Variants in PCDHGA4 observed in about 807,000 individuals in gnomAD.
PCDHGA4 encodes the protein protocadherin gamma subfamily A, 4.
In PCDHGA4, 38 loss-of-function variants were observed where a neutral mutation model predicts 54.6. The ratio of observed to expected loss-of-function variants is 0.70; its 90% CI spans 0.54 to 0.91. PCDHGA4 has a LOEUF of 0.91. Ranked by LOEUF, PCDHGA4 falls within the 40% of genes least tolerant of loss-of-function variation. The pLI, the probability that PCDHGA4 is intolerant of heterozygous loss-of-function variation, is 0.00. For synonymous variants in PCDHGA4, 511 were observed against 512.9 expected (o/e 1.00, Z 0.05); for missense variants, 1,298 against 1,220.9 (o/e 1.06, Z -0.94).
intron 1 of PCDHGA4, among the ~76,000 whole-genome samples, chr5:141,382,030 T>C (rs953371042): frequency 6.6e-6 from 1 of 151,856 alleles, no homozygotes; most frequent in African/African-American, 2.4e-5. Context: ...GGTTTCTCCA[T>C]GTTGGTCAGG....
intron 1 of PCDHGA4, chr5:141,364,724 C>T (rs772314048): frequency 9.3e-6 from 15 of 1,613,892 alleles, no homozygotes; most frequent in South Asian, 7.7e-5. Flanking sequence ...TAACTTCCCG[C>T]GTTTCCGGGA....
At chr5:141,475,983 C>T in intron 1 of PCDHGA4, 2 of 1,049,240 alleles carry the variant, frequency 1.9e-6, no homozygotes, top group Non-Finnish European at 2.8e-6. Context: ...GAACAGCCGG[C>T]GAGCAAATCA....
chr5:141,395,542 TTGTGTGTG>T (rs55729045), intron 1 of PCDHGA4: 8,424 of 171,616 alleles, frequency 0.049, 167 homozygotes, highest in African/African-American at 0.088. Context: ...TTGCTATTGT[TTGTGTGTG>T]TGTGTGTGTG....
intron 1 of PCDHGA4, among the ~76,000 whole-genome samples, chr5:141,480,115 G>A (rs1164458958): frequency 6.6e-6 from 1 of 152,110 alleles, no homozygotes; most frequent in African/African-American, 2.4e-5. Flanking sequence ...CATGGTGCCT[G>A]GCATATCATA....
chr5:141,492,787 G>A (rs1308203463), intron 1 of PCDHGA4, among the ~76,000 whole-genome samples: 2 of 152,254 alleles, frequency 1.3e-5, no homozygotes, highest in Admixed American at 6.5e-5. Context: ...AGCCTCTATA[G>A]GACAGCAGGA....
At chr5:141,440,551 T>C (rs1220901075) in intron 1 of PCDHGA4, 2 of 152,350 alleles carry the variant, frequency 1.3e-5, no homozygotes, top group East Asian at 1.9e-4. Context: ...GCAGGAATGT[T>C]ATTAAGTTAC....
At chr5:141,380,834 G>T (rs559775684) in intron 1 of PCDHGA4, among the ~76,000 whole-genome samples, 2 of 152,154 alleles carry the variant, frequency 1.3e-5, no homozygotes, top group Admixed American at 1.3e-4. Flanking sequence ...TGAGGCATCA[G>T]GTAAAAATGG....
chr5:141,413,812 C>G (rs761118146), intron 1 of PCDHGA4: 3 of 1,613,144 alleles, frequency 1.9e-6, no homozygotes, highest in Non-Finnish European at 1.7e-6. Context: ...GGCCATTCAC[C>G]ACCTGGTCCT....
chr5:141,432,722 T>G lies in PCDHGA4; in HGVS notation c.2515-62085T>G, dbSNP rs2097531915. 6.2e-7 allele frequency: 1 copy of G among 1,613,646 alleles called. No homozygotes were observed. Among genetic ancestry groups the G allele is most frequent in the African/African-American group, 1.3e-5 (1 of 74,900 alleles). ...CCAGGACCACGGCCAGCCCCCTCTC[T>G]CCGCCACTGTCACGCTCACCGTGGC... On this transcript the variant is annotated intron_variant, in intron 1 of 3. Coordinates refer to ENST00000571252, the MANE Select transcript of PCDHGA4 (RefSeq NM_018917.4). The surrounding 1 kb of genome is among the most constrained non-coding windows in gnomAD (Gnocchi z 6.0).
chr5:141,366,307 G>C lies in PCDHGA4; in HGVS notation c.2514+8686G>C, dbSNP rs539472764. On this transcript the variant is annotated intron_variant, in intron 1 of 3. Transcript: ENST00000571252. Reference sequence around the variant, plus strand: ...AGCCCCCTCTGTCAGCCACCTTCACGGTCACCGTTGCCGTGGCCGACAGGA... The same window carrying C: ...AGCCCCCTCTGTCAGCCACCTTCACCGTCACCGTTGCCGTGGCCGACAGGA... The C allele has an allele frequency of 7.4e-6, 12 of 1,613,630 alleles. No individual in the cohort carries two copies. In the East Asian group the frequency reaches 2.2e-4, roughly 30 times the overall value.
At chr5:141,467,514 T>C (rs2154569535) in intron 1 of PCDHGA4, among the ~76,000 whole-genome samples, 1 of 152,362 alleles carries the variant, frequency 6.6e-6, no homozygotes, top group South Asian at 2.1e-4. Flanking sequence ...TTGGAGTTTA[T>C]TCTTTTGTGT....
chr5:141,387,735 T>C lies in PCDHGA4; in HGVS notation c.2514+30114T>C, dbSNP rs966437790. The C allele has an allele frequency of 1.2e-5, 16 of 1,308,452 alleles. No individual in the cohort carries two copies. In the East Asian group the frequency reaches 1.3e-4, roughly 10 times the overall value. 81.1% of individuals were successfully genotyped at this position (1,308,452 alleles called of 1,614,324 possible). ...GCTCAGACTCCCCAGCGCCAGCCTTTACACCGCTTCCTCCTCGGAAAAAGA... is the reference window on the plus strand; with the variant it reads ...GCTCAGACTCCCCAGCGCCAGCCTTCACACCGCTTCCTCCTCGGAAAAAGA... On this transcript the variant is annotated intron_variant, in intron 1 of 3. Transcript: ENST00000571252.
At chr5:141,500,012 A>G (rs2099795840) in intron 2 of PCDHGA4, among the ~76,000 whole-genome samples, 1 of 151,622 alleles carries the variant, frequency 6.6e-6, no homozygotes, top group Non-Finnish European at 1.5e-5. Flanking sequence ...TAAGGTCCAC[A>G]TTTTATATTT....
At chr5:141,510,844 C>A in intron 3 of PCDHGA4, 103 bp from the exon 4 acceptor site, 1 of 1,592,684 alleles carries the variant, frequency 6.3e-7, no homozygotes, top group South Asian at 1.1e-5. Context: ...GTGGTCAAGG[C>A]CCAGGGTGCT....
intron 3 of PCDHGA4, among the ~76,000 whole-genome samples, chr5:141,506,943 T>A (rs2099857373): frequency 6.6e-6 from 1 of 152,192 alleles, no homozygotes; most frequent in South Asian, 2.1e-4. Context: ...GGGCCTCCTG[T>A]CAATGAATCC....
intron 1 of PCDHGA4, chr5:141,402,966 C>T (rs749578447): frequency 6.2e-7 from 1 of 1,606,060 alleles, no homozygotes; most frequent in Non-Finnish European, 8.5e-7. Flanking sequence ...GCAGCTCCAA[C>T]CAAATGCCAG....
rs867175585 is a variant in PCDHGA4, at chr5:141,376,626, G to A, written c.2514+19005G>A. 71 of 1,155,548 alleles carry A rather than the reference G, an allele frequency of 6.1e-5. 4 individuals carry two copies. In the Middle Eastern group the frequency reaches 4.6e-3, roughly 75 times the overall value. 71.6% of individuals were successfully genotyped at this position (1,155,548 alleles called of 1,614,324 possible). A position where few individuals can be genotyped will look rare whatever the true frequency, so the allele number is the denominator to read the frequency against. Reference sequence around the variant, plus strand: ...AAGCGAACCTCTTTTGGTACAGGAAGATTCGTGATTTTGTAAAGTGGAAGA... The same window carrying A: ...AAGCGAACCTCTTTTGGTACAGGAAAATTCGTGATTTTGTAAAGTGGAAGA... On this transcript the variant is annotated intron_variant, in intron 1 of 3. Transcript: ENST00000571252.
chr5:141,423,236 C>G, intron 1 of PCDHGA4: 1 of 1,613,920 alleles, frequency 6.2e-7, no homozygotes, highest in Non-Finnish European at 8.5e-7. Flanking sequence ...GACAGCATCC[C>G]CGAAGTCCTG....
In PCDHGA4 at chr5:141,487,954, T is replaced by C. The variant is rs2099669751; in HGVS notation, c.2515-6853T>C. On this transcript the variant is annotated intron_variant, in intron 1 of 3. Transcript: ENST00000571252. The surrounding 1 kb of genome is among the most constrained non-coding windows in gnomAD (Gnocchi z 5.0). ...GGGTACAGTGCACCAGGCAGTCACTTGGACAAAGGTGGCTGTTTTCTCTAC... is the reference window on the plus strand; with the variant it reads ...GGGTACAGTGCACCAGGCAGTCACTCGGACAAAGGTGGCTGTTTTCTCTAC... Among the ~76,000 whole-genome samples the C allele has an allele frequency of 6.6e-6, 1 of 152,182 alleles. No homozygotes were observed. The highest frequency in any genetic ancestry group is 1.5e-5 in the Non-Finnish European group (1 of 68,020).
Sources: allele counts gnomAD v4.1 joint callset (sites outside exome capture counted in the v4.1 genomes callset), GRCh38; gene constraint gnomAD v4.1.1; non-coding constraint Gnocchi (gnomAD v3.1); transcripts MANE v1.5; gene names NCBI Gene and HGNC (gene_info 2026-07-23, HGNC 2026-07-21).